The following UBE2O variants were observed in gnomAD, a reference collection of about 807,000 sequenced individuals.
UBE2O encodes the protein (E3-independent) E2 ubiquitin-conjugating enzyme.
A neutral mutation model predicts 125.8 loss-of-function variants in UBE2O; 15 were observed. The ratio of observed to expected loss-of-function variants is 0.12; its 90% CI spans 0.08 to 0.18. The LOEUF (loss-of-function observed/expected upper bound fraction) is 0.18. Ranked by LOEUF, UBE2O falls within the 10% of genes least tolerant of loss-of-function variation. UBE2O has a pLI of 1.00. For synonymous variants in UBE2O, 708 were observed against 703.2 expected, an observed-to-expected ratio of 1.01 and a Z score of -0.11; for missense variants, 1,280 against 1,723.6, an observed-to-expected ratio of 0.74 and a Z score of 4.56.
At chr17:76,420,732 G>A (rs1157757507) in intron 1 of UBE2O, among the ~76,000 whole-genome samples, 2 of 152,194 alleles carry the variant, frequency 1.3e-5, no homozygotes, top group Non-Finnish European at 1.5e-5. Context: ...AAGACGTCCT[G>A]GGATCGAGTG....
rs141113432 is a variant in UBE2O at position 76,399,087 on chromosome 17, G to C, written c.1629-96C>G. On this transcript the variant is annotated intron_variant, in intron 9 of 17. Coordinates refer to ENST00000319380, the MANE Select transcript of UBE2O (RefSeq NM_022066.4). This position sits in a 1 kb window ranked among gnomAD's most constrained non-coding sequence, Gnocchi z 6.9. ...TGTCCCTTCCTGTCCCTGTGGGCTT[G>C]GTAACCTGAAACTCTGAATCCCAGG... 8.2e-4 allele frequency: 1,209 copies of C among 1,470,054 alleles called. 7 individuals carry two copies. The African/African-American group carries it at 0.014, about 17-fold the overall frequency. The allele number at this position is 1,470,054 out of a possible 1,614,324, so 91.1% of individuals were successfully genotyped here.
chr17:76,398,167 C>A lies in UBE2O; in HGVS notation c.2025+88G>T. The A allele has an allele frequency of 6.3e-7, 1 of 1,583,610 alleles. No homozygotes were observed. Among genetic ancestry groups the A allele is most frequent in the Non-Finnish European group, 8.6e-7 (1 of 1,158,316 alleles). On this transcript the variant is annotated intron_variant, in intron 12 of 17. Coordinates refer to ENST00000319380, the MANE Select transcript of UBE2O (RefSeq NM_022066.4). This position sits in a 1 kb window ranked among gnomAD's most constrained non-coding sequence, Gnocchi z 5.4. Reference sequence around the variant, plus strand: ...CCCAGAGGACTTTCAGGTCTTGTCTCCTAGAGCCACCTGGTGGCAGCATCA... The same window carrying A: ...CCCAGAGGACTTTCAGGTCTTGTCTACTAGAGCCACCTGGTGGCAGCATCA...
At chr17:76,450,618 G>GT (rs113426621) in intron 1 of UBE2O, among the ~76,000 whole-genome samples, 3,892 of 148,432 alleles carry the variant, frequency 0.026, 83 homozygotes, top group African/African-American at 0.059. Flanking sequence ...CAAAGTTGTT[G>GT]TTTTTTTTTT....
At chr17:76,408,112 C>T (rs2072454504) in intron 1 of UBE2O, among the ~76,000 whole-genome samples, 1 of 152,186 alleles carries the variant, frequency 6.6e-6, no homozygotes, top group Admixed American at 6.5e-5. Context: ...TCCAAATAAG[C>T]CCATACCCTC....
Position 76,400,527 on chromosome 17 carries a change from A to G in UBE2O, c.918T>C (p.Val306=). The G allele has an allele frequency of 6.2e-7, 1 of 1,613,162 alleles. No individual in the cohort carries two copies. The highest frequency in any genetic ancestry group is 8.5e-7 in the Non-Finnish European group (1 of 1,179,700). The stretch of plus-strand genomic sequence containing the variant: ...GACAGAAACTCTTGGTAATCCATGT[A>G]ACTTTCAACTCTACAACCTGCACCT... ...VEEVQVVELK[V]TWITKSFCPG... The change falls in exon 7 of 18, where the codon GTT becomes GTC. Residue 306 remains valine (V), a synonymous_variant. Transcript: ENST00000319380. The surrounding 1 kb of genome is among the most constrained non-coding windows in gnomAD (Gnocchi z 4.3).
At position 76,398,799 on chromosome 17, in the gene UBE2O, G is replaced by A. The variant is rs759663154; in HGVS notation, c.1783+38C>T. ...AGCCCCAACCCGGGCCCTCATTGGC[G>A]ACCACCCTGCTGGCTGCCCTTCCAG... On this transcript the variant is annotated intron_variant, in intron 10 of 17. Transcript: ENST00000319380. The surrounding 1 kb of genome is among the most constrained non-coding windows in gnomAD (Gnocchi z 5.4). The A allele has an allele frequency of 3.7e-6, 6 of 1,603,628 alleles. No homozygotes were observed. The highest frequency in any genetic ancestry group is 4.5e-5 in the East Asian group (2 of 44,772).
Position 76,389,864 on chromosome 17 carries a change from T to C in UBE2O, c.*1079A>G, listed in dbSNP as rs2072072861. 6.6e-6 allele frequency: 1 copy of C among 152,464 alleles called. No homozygotes were observed. Among genetic ancestry groups the C allele is most frequent in the African/African-American group, 2.4e-5 (1 of 41,436 alleles). The allele number at this position is 152,464 out of a possible 1,614,324, so 9.4% of individuals were successfully genotyped here. A position where few individuals can be genotyped will look rare whatever the true frequency, so the allele number is the denominator to read the frequency against. ...TTTGAGTTTTTTTTCCAACCTTAAA[T>C]ATTACATACATACACCAAAAATTAC... is the stretch of plus-strand genomic sequence containing the variant. On this transcript the variant is annotated 3_prime_UTR_variant, in exon 18 of 18. Coordinates refer to ENST00000319380, the MANE Select transcript of UBE2O (RefSeq NM_022066.4).
In UBE2O at chr17:76,396,507, G is replaced by A. The variant is rs2072211731; in HGVS notation, c.2430C>T (p.Ser810=). The change falls in exon 14 of 18, where the codon AGC becomes AGT. Residue 810 remains serine, a synonymous_variant. Coordinates refer to ENST00000319380, the MANE Select transcript of UBE2O (RefSeq NM_022066.4). The surrounding 1 kb of genome is among the most constrained non-coding windows in gnomAD (Gnocchi z 6.7). The part of the protein sequence containing the change: ...EKAGKDGPPK[S]FRELKEAIKI... Reference sequence around the variant, plus strand: ...TGATGGCCTCTTTCAACTCCCGGAAGCTCTTGGGTGGCCCGTCCTTGCCAG... The same window carrying A: ...TGATGGCCTCTTTCAACTCCCGGAAACTCTTGGGTGGCCCGTCCTTGCCAG... 1 of 1,613,826 alleles carries A rather than the reference G, an allele frequency of 6.2e-7. No homozygotes were observed. Among genetic ancestry groups the A allele is most frequent in the Middle Eastern group, 1.7e-4 (1 of 6,058 alleles).
rs1260947756 is a variant in UBE2O, at chr17:76,433,634, G to A, written c.417+19091C>T. Among the ~76,000 whole-genome samples the A allele has an allele frequency of 4.7e-5, 7 of 150,488 alleles. No homozygotes were observed. The East Asian group carries it at 1.4e-3, about 29-fold the overall frequency. ...TTTTTTTTTTAAGAGATGGGGTCTC[G>A]ATCGCTTGAACCCAGGAGGTGGAGT... On this transcript the variant is annotated intron_variant, in intron 1 of 17. Transcript: ENST00000319380.
chr17:76,392,377 C>T (rs2072128467), intron 15 of UBE2O, among the ~76,000 whole-genome samples: 1 of 152,018 alleles, frequency 6.6e-6, no homozygotes, highest in African/African-American at 2.4e-5. Flanking sequence ...AATAATGGCT[C>T]ACTGCAGCCT....
chr17:76,420,739 A>C (rs1455160633), intron 1 of UBE2O, among the ~76,000 whole-genome samples: 1 of 152,196 alleles, frequency 6.6e-6, no homozygotes, highest in African/African-American at 2.4e-5. Flanking sequence ...CCTGGGATCG[A>C]GTGCAAGCTG....
At position 76,396,169 on chromosome 17, in the gene UBE2O, C is replaced by T; in HGVS notation, c.2768G>A (p.Ser923Asn). The change falls in exon 14 of 18, where the codon AGC becomes AAC. Residue 923 changes from serine to asparagine, a missense_variant. Around this residue, in one of 10 missense-constraint regions of UBE2O, gnomAD observed 116 missense variants for 154.8 expected, o/e 0.75. Transcript: ENST00000319380. This position sits in a 1 kb window ranked among gnomAD's most constrained non-coding sequence, Gnocchi z 6.7. ...TACGGAGAAGACCTCGCCCTTGGCG[C>T]TGGTGAAGGTGACGCCAGGCTTGCC... ...CGGKPGVTFT[S>N]AKGEVFSVLE... 1 of 1,613,410 alleles carries T rather than the reference C, an allele frequency of 6.2e-7. No individual in the cohort carries two copies. Among genetic ancestry groups the T allele is most frequent in the Non-Finnish European group, 8.5e-7 (1 of 1,179,568 alleles).
intron 1 of UBE2O, among the ~76,000 whole-genome samples, chr17:76,433,202 C>T (rs1465611292): frequency 6.6e-6 from 1 of 151,834 alleles, no homozygotes; most frequent in Non-Finnish European, 1.5e-5. Flanking sequence ...AAATGTCCAT[C>T]AACTAATGAA....
intron 1 of UBE2O, among the ~76,000 whole-genome samples, chr17:76,407,521 T>C (rs1442418038): frequency 6.6e-6 from 1 of 152,144 alleles, no homozygotes; most frequent in Non-Finnish European, 1.5e-5. Flanking sequence ...GGCTGCACCA[T>C]GTGTGGCAGG....
chr17:76,404,766 C>T lies in UBE2O; in HGVS notation c.588+440G>A, dbSNP rs904475924. Among the ~76,000 whole-genome samples the T allele has an allele frequency of 1.1e-4, 16 of 151,584 alleles. No homozygotes were observed. Among genetic ancestry groups the T allele is most frequent in the African/African-American group, 3.6e-4 (15 of 41,200 alleles). On this transcript the variant is annotated intron_variant, in intron 3 of 17. Transcript: ENST00000319380. This position sits in a 1 kb window ranked among gnomAD's most constrained non-coding sequence, Gnocchi z 4.3. ...CAAATGTTTTGGGAAGAAAAAAGAC[C>T]GGAGGGGGATCTCGGGGAAAAGGAG... is the stretch of plus-strand genomic sequence containing the variant.
At chr17:76,403,301 G>C (rs1473872287) in intron 3 of UBE2O, among the ~76,000 whole-genome samples, 1 of 152,030 alleles carries the variant, frequency 6.6e-6, no homozygotes, top group Non-Finnish European at 1.5e-5. Context: ...ACAGGGTCTT[G>C]CTCTATTGCC....
intron 1 of UBE2O, among the ~76,000 whole-genome samples, chr17:76,441,259 T>C (rs936147087): frequency 6.6e-6 from 1 of 152,214 alleles, no homozygotes; most frequent in African/African-American, 2.4e-5. Flanking sequence ...TCCTCTTGGA[T>C]TGGGTGTGTT....
intron 1 of UBE2O, among the ~76,000 whole-genome samples, chr17:76,433,558 C>T (rs1056230184): frequency 2.6e-5 from 4 of 151,548 alleles, no homozygotes; most frequent in African/African-American, 4.9e-5. Flanking sequence ...ACTTGAACTG[C>T]ACACTTTAAA....
In UBE2O at chr17:76,398,222, G is replaced by A. The variant is rs986487727; in HGVS notation, c.2025+33C>T. Reference sequence around the variant, plus strand: ...CTGCAGCTGGTGCACAGGGCAGTGAGCAGCCATCCAGAACTTGAATTTGAA... The same window carrying A: ...CTGCAGCTGGTGCACAGGGCAGTGAACAGCCATCCAGAACTTGAATTTGAA... On this transcript the variant is annotated intron_variant, in intron 12 of 17. Transcript: ENST00000319380. The surrounding 1 kb of genome is among the most constrained non-coding windows in gnomAD (Gnocchi z 5.4). 8.7e-6 allele frequency: 14 copies of A among 1,613,594 alleles called. No homozygotes were observed. Among genetic ancestry groups the A allele is most frequent in the Admixed American group, 1.7e-5 (1 of 60,012 alleles).
Sources: allele counts gnomAD v4.1 joint callset (sites outside exome capture counted in the v4.1 genomes callset), GRCh38; gene constraint gnomAD v4.1.1; regional missense constraint gnomAD v4.1.1; non-coding constraint Gnocchi (gnomAD v3.1); transcripts MANE v1.5; gene names NCBI Gene and HGNC (gene_info 2026-07-23, HGNC 2026-07-21).